The following SCLT1 variants were observed in gnomAD, a reference collection of about 807,000 sequenced individuals.
SCLT1 encodes sodium channel-associated protein 1.
Under a neutral mutation model 112.8 loss-of-function variants are expected in SCLT1, and 78 were observed. That is an observed-to-expected ratio of 0.69 (90% CI 0.58 to 0.83). The LOEUF is 0.83. SCLT1 is among the 40% of genes least tolerant of loss of function. The pLI is 0.00. For missense variants in SCLT1, 747 were observed against 770.4 expected (o/e 0.97, Z 0.36); for synonymous variants, 257 against 254.7 (o/e 1.01, Z -0.09).
intron 15 of SCLT1, among the ~76,000 whole-genome samples, chr4:128,948,110 C>A: frequency 6.6e-6 from 1 of 151,700 alleles, no homozygotes; most frequent in East Asian, 1.9e-4. Flanking sequence ...CTGAGGCAGG[C>A]GGATCACGAG....
intron 1 of SCLT1, among the ~76,000 whole-genome samples, chr4:129,090,291 A>C (rs1024699900): frequency 4.6e-5 from 7 of 152,212 alleles, no homozygotes; most frequent in Admixed American, 2.6e-4. Flanking sequence ...CAGACAAATA[A>C]ATCAGTGGAA....
chr4:128,874,476 AAAAAACAAAAC>A (rs1279742096), intron 4 of SCLT1: 1 of 148,002 alleles, frequency 6.8e-6, no homozygotes, highest in African/African-American at 2.6e-5. Flanking sequence ...GCTGAACCAA[AAAAAACAAAAC>A]AAAAACAAAA....
In SCLT1 at chr4:128,925,825, A is replaced by G. The variant is rs375222050; in HGVS notation, c.1829+10830T>C. On this transcript the variant is annotated intron_variant, in intron 18 of 20. Transcript: ENST00000281142. ...CAAGTTCTCTGATCTTTTCTTGTGCAGTGTATGATCTGCTGTTAATCCCAT... is the reference window on the plus strand; with the variant it reads ...CAAGTTCTCTGATCTTTTCTTGTGCGGTGTATGATCTGCTGTTAATCCCAT... Among the ~76,000 whole-genome samples, 13 of 152,010 alleles carry G rather than the reference A, an allele frequency of 8.6e-5. No individual in the cohort carries two copies. In the East Asian group the frequency reaches 2.3e-3, roughly 27 times the overall value.
intron 10 of SCLT1, among the ~76,000 whole-genome samples, chr4:128,966,985 T>C (rs1355590555): frequency 5.9e-5 from 9 of 152,044 alleles, no homozygotes; most frequent in Non-Finnish European, 4.4e-5. Flanking sequence ...ACCTGATAGG[T>C]AGTTTTTCAG....
intron 19 of SCLT1, among the ~76,000 whole-genome samples, chr4:128,890,646 A>G (rs1733236656): frequency 6.6e-6 from 1 of 152,194 alleles, no homozygotes; most frequent in African/African-American, 2.4e-5. Context: ...TGCTATATTT[A>G]GTTCTAAGGC....
At chr4:128,962,622 T>C (rs1030576795) in intron 11 of SCLT1, among the ~76,000 whole-genome samples, 2 of 152,136 alleles carry the variant, frequency 1.3e-5, no homozygotes, top group African/African-American at 4.8e-5. Context: ...ACAACCCTGC[T>C]CTCGCATATT....
At chr4:128,882,185 TC>T, downstream of SCLT1, among the ~76,000 whole-genome samples, 1 of 152,282 alleles carries the variant, frequency 6.6e-6, no homozygotes, top group African/African-American at 2.4e-5. Context: ...AATTCTAACA[TC>T]CCTAAAATTT....
chr4:128,996,440 A>T (rs577444558), intron 8 of SCLT1, among the ~76,000 whole-genome samples: 2 of 152,188 alleles, frequency 1.3e-5, no homozygotes, highest in East Asian at 1.9e-4. Flanking sequence ...TAATCAGAAA[A>T]TTTTTTGTTG....
chr4:128,949,159 C>T (rs1316699995), intron 14 of SCLT1, among the ~76,000 whole-genome samples: 2 of 148,862 alleles, frequency 1.3e-5, no homozygotes, highest in Non-Finnish European at 3.0e-5. Context: ...ATTATTAGTT[C>T]TTCACAATTA....
intron 18 of SCLT1, among the ~76,000 whole-genome samples, chr4:128,923,601 C>T (rs1372593470): frequency 6.6e-6 from 1 of 151,594 alleles, no homozygotes; most frequent in Admixed American, 6.6e-5. Context: ...TAGAATTTCA[C>T]ACATATGGGA....
At chr4:129,076,025 T>C (rs1427377734) in intron 2 of SCLT1, among the ~76,000 whole-genome samples, 2 of 152,150 alleles carry the variant, frequency 1.3e-5, no homozygotes, top group African/African-American at 4.8e-5. Flanking sequence ...AGGTCTTCTA[T>C]GACCTTTCTA....
intron 2 of SCLT1, among the ~76,000 whole-genome samples, chr4:129,044,846 A>G (rs1748037258): frequency 6.6e-6 from 1 of 150,468 alleles, no homozygotes; most frequent in Admixed American, 6.6e-5. Context: ...AAAAAAAAGG[A>G]AAAGAAAAAA....
intron 18 of SCLT1, among the ~76,000 whole-genome samples, chr4:128,928,053 T>C (rs1183844736): frequency 1.3e-5 from 2 of 151,974 alleles, no homozygotes; most frequent in East Asian, 1.9e-4. Flanking sequence ...TGAAGAAATA[T>C]AAAATCTGAA....
At chr4:128,900,787 G>A (rs1734215439) in intron 18 of SCLT1, among the ~76,000 whole-genome samples, 1 of 152,040 alleles carries the variant, frequency 6.6e-6, no homozygotes, top group African/African-American at 2.4e-5. Context: ...ATCTGACAAA[G>A]GGCTAATATC....
Position 128,913,718 on chromosome 4 carries a change from G to A in SCLT1, c.1830-22581C>T, listed in dbSNP as rs144602376. On this transcript the variant is annotated intron_variant, in intron 18 of 20. Transcript: ENST00000281142. ...TATCTCTGCTGACCTCTTCTAAAAT[G>A]GGGCGCTCTCAAAAATACATACAGT... is the stretch of plus-strand genomic sequence containing the variant. Among the ~76,000 whole-genome samples, 60 of 152,242 alleles carry A rather than the reference G, an allele frequency of 3.9e-4. 1 individual carries two copies. Among genetic ancestry groups the A allele is most frequent in the African/African-American group, 1.3e-3 (55 of 41,538 alleles).
chr4:129,010,929 G>T (rs1744463847), intron 5 of SCLT1, among the ~76,000 whole-genome samples: 1 of 152,152 alleles, frequency 6.6e-6, no homozygotes, highest in African/African-American at 2.4e-5. Context: ...TTGCCTGACT[G>T]CCCTGGCCAG....
Position 129,027,975 on chromosome 4 carries a change from G to T in SCLT1, c.290+11066C>A, listed in dbSNP as rs537895020. 2.3e-3 allele frequency among the ~76,000 whole-genome samples: 356 copies of T among 152,034 alleles called. 1 individual carries two copies. Among genetic ancestry groups the T allele is most frequent in the African/African-American group, 7.9e-3 (326 of 41,438 alleles). On this transcript the variant is annotated intron_variant, in intron 5 of 20. Coordinates refer to ENST00000281142, the MANE Select transcript of SCLT1 (RefSeq NM_144643.4). ...CTAGGAATCCAACTTACAAGGGACG[G>T]GAAGGACCTCTTCAAGGAGAACTAC...
intron 18 of SCLT1, among the ~76,000 whole-genome samples, chr4:128,933,783 T>C (rs375958223): frequency 6.6e-6 from 1 of 152,128 alleles, no homozygotes; most frequent in African/African-American, 2.4e-5. Context: ...TTCTCTTTTA[T>C]GATGAAAAAT....
intron 2 of SCLT1, among the ~76,000 whole-genome samples, chr4:129,045,095 T>C (rs990895369): frequency 6.6e-6 from 1 of 152,002 alleles, no homozygotes; most frequent in Non-Finnish European, 1.5e-5. Context: ...ACATACTAAA[T>C]GGAAAAATAC....
Sources: gnomAD v4.1 joint callset for allele counts (sites outside exome capture counted in the v4.1 genomes callset) on GRCh38, gnomAD v4.1.1 for gene constraint, MANE v1.5 for transcripts, NCBI Gene and HGNC (gene_info 2026-07-23, HGNC 2026-07-21) for gene names.